The following GPHN variants were observed in gnomAD, a reference collection of about 807,000 sequenced individuals.
The protein encoded by GPHN is gephyrin.
GPHN carries 17 observed loss-of-function variants against 95.5 expected under a neutral mutation model. The observed-to-expected ratio is 0.18, with a 90% CI of 0.12 to 0.27. The LOEUF (loss-of-function observed/expected upper bound fraction) is 0.27, where lower values mean the gene tolerates loss of function less well. GPHN is among the 10% of genes least tolerant of loss of function. The pLI is 1.00. For synonymous variants in GPHN, 320 were observed against 322.5 expected (o/e 0.99, Z 0.08); for missense variants, 660 against 978.1 (o/e 0.67, Z 4.34).
At chr14:67,658,109 T>C in the GPHN span, among the ~76,000 whole-genome samples, 8 of 152,096 alleles carry the variant, frequency 5.3e-5, no homozygotes, top group Non-Finnish European at 8.8e-5. Flanking sequence ...AACCACTGAA[T>C]GAGGTTCAAA....
intron 8 of GPHN, among the ~76,000 whole-genome samples, chr14:66,961,248 G>A (rs1012861196): frequency 4.0e-5 from 6 of 151,830 alleles, no homozygotes; most frequent in African/African-American, 1.5e-4. Context: ...CATTTTCAGA[G>A]TTCTGGTAAA....
At chr14:67,573,893 C>A in the GPHN span, 1 of 1,601,642 alleles carries the variant, frequency 6.2e-7, no homozygotes, top group Non-Finnish European at 8.6e-7. This position sits in a 1 kb window ranked among gnomAD's most constrained non-coding sequence, Gnocchi z 4.8. Context: ...TTCAGGTGAG[C>A]ACGCTCCTGG....
the GPHN span, among the ~76,000 whole-genome samples, chr14:67,331,612 G>A: frequency 2.0e-5 from 3 of 152,142 alleles, no homozygotes; most frequent in South Asian, 2.1e-4. Flanking sequence ...CATCTTAGTC[G>A]TGGATTGTAA....
At chr14:67,434,640 T>A in the GPHN span, among the ~76,000 whole-genome samples, 1 of 152,132 alleles carries the variant, frequency 6.6e-6, no homozygotes, top group African/African-American at 2.4e-5. Context: ...GACTAAAGAA[T>A]GTTTCAGGTA....
chr14:67,088,911 C>T, intron 11 of GPHN, 72 bp from the exon 12 acceptor site: 2 of 835,596 alleles, frequency 2.4e-6, no homozygotes, highest in Non-Finnish European at 4.2e-6. Flanking sequence ...CACTCATGCC[C>T]ATCTTGTTTA....
At chr14:67,375,276 GTGTGTGTC>G in the GPHN span, among the ~76,000 whole-genome samples, 7 of 137,836 alleles carry the variant, frequency 5.1e-5, no homozygotes, top group South Asian at 4.5e-4. Flanking sequence ...GTGTGTGTGT[GTGTGTGTC>G]ACAAAGTCTT....
At chr14:67,476,744 CT>C in the GPHN span, among the ~76,000 whole-genome samples, 1 of 152,148 alleles carries the variant, frequency 6.6e-6, no homozygotes, top group Admixed American at 6.5e-5. Flanking sequence ...GAACCAATAT[CT>C]CTTGCTTTCT....
the GPHN span, among the ~76,000 whole-genome samples, chr14:67,574,672 T>A: frequency 6.6e-6 from 1 of 152,084 alleles, no homozygotes; most frequent in African/African-American, 2.4e-5. The surrounding 1 kb of genome is among the most constrained non-coding windows in gnomAD (Gnocchi z 4.2). Flanking sequence ...TTTGAGGTCA[T>A]TAGGGGCTGT....
the GPHN span, among the ~76,000 whole-genome samples, chr14:67,494,827 A>G: frequency 1.3e-5 from 2 of 152,302 alleles, no homozygotes; most frequent in South Asian, 2.1e-4. Flanking sequence ...TAAAAACAGA[A>G]GTGGCCAGAT....
the GPHN span, among the ~76,000 whole-genome samples, chr14:67,249,149 AT>A: frequency 6.6e-6 from 1 of 151,748 alleles, no homozygotes; most frequent in South Asian, 2.1e-4. Flanking sequence ...TTTTGTGGAG[AT>A]GGGGCTTCAC....
intron 3 of GPHN, among the ~76,000 whole-genome samples, chr14:66,793,282 T>C (rs555092135): frequency 3.9e-5 from 6 of 152,314 alleles, no homozygotes; most frequent in Admixed American, 3.3e-4. Context: ...ACAATACATG[T>C]ATAATTGGTT....
chr14:67,030,625 A>G (rs775040703), intron 10 of GPHN, among the ~76,000 whole-genome samples: 2 of 152,082 alleles, frequency 1.3e-5, no homozygotes, highest in Non-Finnish European at 2.9e-5. Context: ...GAAGCCTTCT[A>G]TCACCTCCCA....
the GPHN span, among the ~76,000 whole-genome samples, chr14:67,248,973 T>C: frequency 2.0e-5 from 3 of 151,864 alleles, no homozygotes; most frequent in Admixed American, 6.6e-5. Flanking sequence ...ATACCAATTT[T>C]TTTTTTTGAG....
intron 4 of GPHN, among the ~76,000 whole-genome samples, chr14:66,855,485 T>C (rs1383987945): frequency 6.6e-6 from 1 of 152,224 alleles, no homozygotes; most frequent in African/African-American, 2.4e-5. Flanking sequence ...GCCTGAATAA[T>C]ATTCTATTAT....
chr14:66,607,689 G>A lies in GPHN; in HGVS notation c.65-73418G>A, dbSNP rs891653334. Among the ~76,000 whole-genome samples the A allele has an allele frequency of 5.9e-5, 9 of 151,640 alleles. No homozygotes were observed. The East Asian group carries it at 1.5e-3, about 26-fold the overall frequency. The stretch of plus-strand genomic sequence containing the variant: ...TGACTCAAATTTGGAACTTGTTATT[G>A]GTCTTTTCAGGTTTTCACTTTCTTC... On this transcript the variant is annotated intron_variant, in intron 1 of 22. Coordinates refer to ENST00000478722, the MANE Select transcript of GPHN (RefSeq NM_020806.5).
the GPHN span, among the ~76,000 whole-genome samples, chr14:67,609,299 T>C: frequency 6.6e-6 from 1 of 152,198 alleles, no homozygotes; most frequent in Non-Finnish European, 1.5e-5. Context: ...ATAACGCATA[T>C]TTTAAAGGAT....
chr14:67,234,469 G>A, the GPHN span, among the ~76,000 whole-genome samples: 3 of 152,142 alleles, frequency 2.0e-5, no homozygotes, highest in Non-Finnish European at 4.4e-5. Context: ...TGCATTTAAC[G>A]AAGTGGCTGA....
At chr14:67,166,058 C>T (rs2082259148) in intron 20 of GPHN, among the ~76,000 whole-genome samples, 1 of 152,114 alleles carries the variant, frequency 6.6e-6, no homozygotes, top group Admixed American at 6.6e-5. Context: ...TTACAAATCT[C>T]ATGGCTTTTG....
At chr14:67,650,849 A>ATTGTCTATGACCAACTTCCTACTCCC in the GPHN span, 33 of 1,614,080 alleles carry the variant, frequency 2.0e-5, no homozygotes, top group East Asian at 5.6e-4. Flanking sequence ...AGGAGGGCAT[A>ATTGTCTATGACCAACTTCCTACTCCC]TTGTCTATGA....
Sources: gnomAD v4.1 joint callset for allele counts (sites outside exome capture counted in the v4.1 genomes callset) on GRCh38, gnomAD v4.1.1 for gene constraint, Gnocchi (gnomAD v3.1) non-coding constraint, MANE v1.5 for transcripts, NCBI Gene and HGNC (gene_info 2026-07-23, HGNC 2026-07-21) for gene names.